Variants in NFKB1 observed in about 807,000 individuals in gnomAD.
NFKB1 encodes nuclear factor NF-kappa-B p105 subunit.
NFKB1 carries 9 observed loss-of-function variants against 105.1 expected under a neutral mutation model. That is an observed-to-expected ratio of 0.09 (90% CI 0.05 to 0.15). NFKB1 has a LOEUF of 0.15. Ranked by LOEUF, NFKB1 falls within the 10% of genes least tolerant of loss-of-function variation. NFKB1 has a pLI of 1.00. For missense variants in NFKB1, 830 were observed against 1,203.7 expected, an observed-to-expected ratio of 0.69 and a Z score of 4.59; for synonymous variants, 440 against 442.2, an observed-to-expected ratio of 1.00 and a Z score of 0.06.
In NFKB1 at chr4:102,606,525, G is replaced by A. The variant is rs1419512603; in HGVS notation, c.1782G>A (p.Lys594=). ...QTPLHLAVIT[K]QEDVVEDLLR... ...CCTTGCACTTGGCAGTGATCACTAA[G>A]CAGGAAGATGTGGTGGAGGATTTGC... The change falls in exon 17 of 24, where the codon AAG becomes AAA. Residue 594 remains lysine (K), a synonymous_variant. Transcript: ENST00000226574. The A allele has an allele frequency of 3.7e-6, 6 of 1,614,170 alleles. No individual in the cohort carries two copies. Among genetic ancestry groups the A allele is most frequent in the South Asian group, 1.1e-5 (1 of 91,084 alleles).
intron 5 of NFKB1, among the ~76,000 whole-genome samples, chr4:102,562,513 T>C (rs1189012687): frequency 1.3e-5 from 2 of 152,162 alleles, no homozygotes. Flanking sequence ...TAGAGAAATG[T>C]TGGTTATTAG....
At chr4:102,516,175 G>A (rs1206503322) in intron 1 of NFKB1, among the ~76,000 whole-genome samples, 1 of 151,130 alleles carries the variant, frequency 6.6e-6, no homozygotes, top group Non-Finnish European at 1.5e-5. Flanking sequence ...GCTATTTTGG[G>A]ATTTTTTTTT....
chr4:102,583,094 C>A, intron 10 of NFKB1, 137 bp downstream of exon 10: 1 of 523,134 alleles, frequency 1.9e-6, no homozygotes, highest in Non-Finnish European at 3.3e-6. Flanking sequence ...ATCCTCCTGT[C>A]TCAACCTACC....
rs564876146 is a variant in NFKB1, at chr4:102,529,748, T to C, written c.40-88T>C. On this transcript the variant is annotated intron_variant, in intron 2 of 23. Transcript: ENST00000226574. The stretch of plus-strand genomic sequence containing the variant: ...GTTTTTGGCTTTAGTTTCATTCCTA[T>C]TATTACATTTTAGGTGTCCCAACTT... 303 of 914,604 alleles carry C rather than the reference T, an allele frequency of 3.3e-4. 5 individuals carry two copies. In the South Asian group the frequency reaches 4.6e-3, roughly 14 times the overall value. 56.7% of individuals were successfully genotyped at this position (914,604 alleles called of 1,614,324 possible).
At chr4:102,513,339 T>C (rs1739903048) in intron 1 of NFKB1, among the ~76,000 whole-genome samples, 1 of 152,252 alleles carries the variant, frequency 6.6e-6, no homozygotes, top group Non-Finnish European at 1.5e-5. Flanking sequence ...TCTCTAGCTC[T>C]ACAAGTTATT....
chr4:102,542,500 C>G (rs187456784), intron 5 of NFKB1, among the ~76,000 whole-genome samples: 1 of 149,306 alleles, frequency 6.7e-6, no homozygotes, highest in African/African-American at 2.4e-5. Flanking sequence ...TTTGATAGCT[C>G]TCTCTCTCTC....
At chr4:102,602,505 C>T (rs888892060) in intron 16 of NFKB1, among the ~76,000 whole-genome samples, 2 of 151,152 alleles carry the variant, frequency 1.3e-5, no homozygotes, top group African/African-American at 4.9e-5. Context: ...CGCCACTGCA[C>T]TCCAGCCTGG....
intron 5 of NFKB1, among the ~76,000 whole-genome samples, chr4:102,561,700 T>A (rs1723458350): frequency 6.6e-6 from 1 of 152,144 alleles, no homozygotes; most frequent in South Asian, 2.1e-4. Flanking sequence ...GAGCCTCAGT[T>A]CCTCCAGCTG....
intron 11 of NFKB1, among the ~76,000 whole-genome samples, chr4:102,586,870 G>A (rs1303796594): frequency 6.6e-6 from 1 of 152,222 alleles, no homozygotes; most frequent in East Asian, 1.9e-4. Flanking sequence ...TCCTGTGAGA[G>A]CAAGATGTGA....
chr4:102,588,242 G>A (rs751677887), intron 11 of NFKB1, among the ~76,000 whole-genome samples: 1 of 152,044 alleles, frequency 6.6e-6, no homozygotes, highest in African/African-American at 2.4e-5. Flanking sequence ...GTAATATGTT[G>A]GGTATCATCA....
intron 16 of NFKB1, among the ~76,000 whole-genome samples, chr4:102,604,107 G>T (rs761161552): frequency 1.9e-4 from 29 of 152,078 alleles, no homozygotes; most frequent in Non-Finnish European, 3.5e-4. Context: ...AGTCAAAGTT[G>T]CCCACCCTGA....
chr4:102,606,722 G>A, intron 17 of NFKB1, 25 bp downstream of exon 17: 4 of 1,601,284 alleles, frequency 2.5e-6, no homozygotes, highest in Non-Finnish European at 3.4e-6. Context: ...CACATCATTG[G>A]TGTAACTTTC....
chr4:102,551,514 T>C (rs1366591849), intron 5 of NFKB1, among the ~76,000 whole-genome samples: 1 of 152,146 alleles, frequency 6.6e-6, no homozygotes, highest in East Asian at 1.9e-4. Context: ...CTTCTCAAAC[T>C]AGAAACTAGA....
intron 22 of NFKB1, among the ~76,000 whole-genome samples, 164 bp from the exon 23 acceptor site, chr4:102,613,261 G>A (rs1288243349): frequency 2.6e-5 from 4 of 152,016 alleles, no homozygotes; most frequent in East Asian, 1.9e-4. Flanking sequence ...AACTTGATTC[G>A]AAGACTGTAT....
chr4:102,606,792 A>G (rs912267537), intron 17 of NFKB1, 95 bp downstream of exon 17: 15 of 1,357,246 alleles, frequency 1.1e-5, no homozygotes, highest in Admixed American at 2.0e-5. Flanking sequence ...TTTGCACCCA[A>G]AAGTGCTTTC....
chr4:102,594,666 C>T (rs548144079), intron 12 of NFKB1, among the ~76,000 whole-genome samples: 1 of 152,286 alleles, frequency 6.6e-6, no homozygotes, highest in South Asian at 2.1e-4. Flanking sequence ...CTCCCCAAAT[C>T]TGGGGTGCTG....
chr4:102,556,080 G>T (rs1048835759), intron 5 of NFKB1, among the ~76,000 whole-genome samples: 2 of 152,130 alleles, frequency 1.3e-5, no homozygotes, highest in Non-Finnish European at 2.9e-5. Flanking sequence ...TTTGGCAACT[G>T]GTTAAACATA....
intron 5 of NFKB1, among the ~76,000 whole-genome samples, chr4:102,547,165 A>T (rs2149138401): frequency 6.6e-6 from 1 of 152,356 alleles, no homozygotes; most frequent in South Asian, 2.1e-4. Flanking sequence ...CAATTGTTTG[A>T]TATATAAATA....
chr4:102,525,413 G>A, intron 1 of NFKB1, 99 bp from the exon 2 acceptor site: 1 of 1,110,408 alleles, frequency 9.0e-7, no homozygotes, highest in Non-Finnish European at 1.3e-6. Flanking sequence ...TGGTCTTACT[G>A]GTATAATACA....
Sources: allele counts gnomAD v4.1 joint callset (sites outside exome capture counted in the v4.1 genomes callset), GRCh38; gene constraint gnomAD v4.1.1; transcripts MANE v1.5; gene names NCBI Gene and HGNC (gene_info 2026-07-23, HGNC 2026-07-21).